Variants in MACROD2 observed in about 807,000 individuals in gnomAD.
MACROD2 encodes ADP-ribose glycohydrolase MACROD2.
MACROD2 carries 36 observed loss-of-function variants against 70.4 expected under a neutral mutation model. The observed-to-expected ratio is 0.51, with a 90% CI of 0.39 to 0.68. The LOEUF is 0.68. MACROD2 is among the 30% of genes least tolerant of loss of function. The pLI, the probability that MACROD2 is intolerant of heterozygous loss-of-function variation, is 0.00. For synonymous variants in MACROD2, 172 were observed against 178.8 expected, an observed-to-expected ratio of 0.96 and a Z score of 0.30; for missense variants, 496 against 538.4, an observed-to-expected ratio of 0.92 and a Z score of 0.78.
intron 5 of MACROD2, among the ~76,000 whole-genome samples, chr20:14,720,114 A>G (rs1452625389): frequency 6.6e-6 from 1 of 152,176 alleles, no homozygotes; most frequent in Non-Finnish European, 1.5e-5. Flanking sequence ...CCTTTTATTG[A>G]TACTTTTTTC....
intron 5 of MACROD2, among the ~76,000 whole-genome samples, chr20:14,766,819 A>T (rs544353596): frequency 9.9e-5 from 15 of 152,250 alleles, no homozygotes; most frequent in African/African-American, 3.6e-4. Context: ...AGAAGGCAAG[A>T]TCTCTTTTTT....
chr20:15,227,820 CCT>C (rs2076920399), intron 5 of MACROD2, among the ~76,000 whole-genome samples: 1 of 44,060 alleles, frequency 2.3e-5, no homozygotes, highest in Non-Finnish European at 4.4e-5. Flanking sequence ...TAGAATTTCA[CCT>C]GTTTTTTTTT....
At chr20:15,859,397 A>G (rs1280027294) in intron 8 of MACROD2, among the ~76,000 whole-genome samples, 1 of 152,156 alleles carries the variant, frequency 6.6e-6, no homozygotes, top group Non-Finnish European at 1.5e-5. Context: ...CCATTTCCCA[A>G]TGAGGGGAGT....
chr20:16,032,625 A>G (rs562046612), intron 15 of MACROD2, among the ~76,000 whole-genome samples: 2 of 151,064 alleles, frequency 1.3e-5, no homozygotes, highest in South Asian at 4.2e-4. Context: ...AGGGACAAAA[A>G]GAAGGAAGAA....
intron 8 of MACROD2, among the ~76,000 whole-genome samples, chr20:15,714,754 G>A (rs1160734301): frequency 1.3e-5 from 2 of 151,840 alleles, no homozygotes; most frequent in Non-Finnish European, 2.9e-5. Flanking sequence ...ACTAATATGT[G>A]CCACATACTT....
At chr20:14,460,976 T>C (rs1430538675) in intron 3 of MACROD2, among the ~76,000 whole-genome samples, 1 of 151,804 alleles carries the variant, frequency 6.6e-6, no homozygotes, top group Non-Finnish European at 1.5e-5. Context: ...TTTTTTATCG[T>C]TCGGAATAGT....
chr20:14,657,081 A>G (rs1986012644), intron 4 of MACROD2, among the ~76,000 whole-genome samples: 1 of 152,116 alleles, frequency 6.6e-6, no homozygotes, highest in African/African-American at 2.4e-5. Context: ...CCATAATGTT[A>G]TTTCATACAT....
chr20:14,577,511 G>T (rs1980675698), intron 4 of MACROD2, among the ~76,000 whole-genome samples: 1 of 152,154 alleles, frequency 6.6e-6, no homozygotes, highest in Non-Finnish European at 1.5e-5. Flanking sequence ...GGATGTGGTG[G>T]CTCACGCCTG....
chr20:15,742,519 G>A (rs2146966973), intron 8 of MACROD2, among the ~76,000 whole-genome samples: 1 of 152,268 alleles, frequency 6.6e-6, no homozygotes, highest in African/African-American at 2.4e-5. Flanking sequence ...CCATAACATA[G>A]GGAATCAGCG....
chr20:15,015,758 G>T (rs2075116502), intron 5 of MACROD2, among the ~76,000 whole-genome samples: 1 of 152,320 alleles, frequency 6.6e-6, no homozygotes, highest in Middle Eastern at 3.4e-3. Context: ...CAGTTCTGCT[G>T]TGTTGATAAA....
intron 3 of MACROD2, among the ~76,000 whole-genome samples, chr20:14,437,968 C>G (rs1014236749): frequency 2.6e-5 from 4 of 152,138 alleles, no homozygotes; most frequent in Admixed American, 6.5e-5. Flanking sequence ...GCTATATCTA[C>G]TCATTTAGCA....
At chr20:15,281,046 G>C (rs1360599044) in intron 6 of MACROD2, among the ~76,000 whole-genome samples, 1 of 152,224 alleles carries the variant, frequency 6.6e-6, no homozygotes, top group Non-Finnish European at 1.5e-5. Context: ...GCAGGACAGA[G>C]TGAGTGCAAG....
chr20:15,908,781 G>A (rs958919474), intron 10 of MACROD2, among the ~76,000 whole-genome samples: 3 of 151,990 alleles, frequency 2.0e-5, no homozygotes, highest in Admixed American at 6.6e-5. Context: ...GCATTGCATG[G>A]GATTTTTGTT....
intron 8 of MACROD2, among the ~76,000 whole-genome samples, chr20:15,769,068 G>C (rs1045043632): frequency 1.3e-5 from 2 of 152,208 alleles, no homozygotes; most frequent in African/African-American, 2.4e-5. Context: ...TAGTACAGGA[G>C]TACACTTTAA....
At chr20:15,016,969 C>T (rs1398710888) in intron 5 of MACROD2, among the ~76,000 whole-genome samples, 1 of 152,094 alleles carries the variant, frequency 6.6e-6, no homozygotes, top group Non-Finnish European at 1.5e-5. Flanking sequence ...CTGGTGGGGT[C>T]ACAGCCAAAC....
intron 5 of MACROD2, among the ~76,000 whole-genome samples, chr20:15,201,822 A>C (rs913980781): frequency 5.3e-5 from 8 of 152,184 alleles, no homozygotes; most frequent in African/African-American, 1.9e-4. Context: ...TTATTCTGAG[A>C]TACAGGAAAA....
chr20:15,803,106 T>A (rs2147075111), intron 8 of MACROD2, among the ~76,000 whole-genome samples: 1 of 152,236 alleles, frequency 6.6e-6, no homozygotes, highest in South Asian at 2.1e-4. Context: ...CACCAATTTT[T>A]CTCAAACTAT....
chr20:15,659,274 C>T (rs1034439826), intron 8 of MACROD2, among the ~76,000 whole-genome samples: 9 of 140,420 alleles, frequency 6.4e-5, no homozygotes, highest in African/African-American at 1.8e-4. Context: ...CTTCTGCAGA[C>T]ACAAATCAAA....
rs71340210 is a variant in MACROD2, at chr20:15,113,763, A to AGTGTGTGTGTGTGT, written c.419-116153_419-116140dup. ...TAGGTATGGGGTTGTGTAGTCTTGA[A>AGTGTGTGTGTGTGT]GTGTGTGTGTGTGTGTGTGTGTGTG... is the stretch of plus-strand genomic sequence containing the variant. On this transcript the variant is annotated intron_variant, in intron 5 of 17. Coordinates refer to ENST00000684519, the MANE Select transcript of MACROD2 (RefSeq NM_001351661.2). Among the ~76,000 whole-genome samples the AGTGTGTGTGTGTGT allele has an allele frequency of 5.8e-3, 831 of 144,226 alleles. 5 individuals are homozygous for AGTGTGTGTGTGTGT. Among genetic ancestry groups the AGTGTGTGTGTGTGT allele is most frequent in the East Asian group, 0.015 (70 of 4,610 alleles). 94.6% of individuals were successfully genotyped at this position (144,226 alleles called of 152,430 possible).
Sources: allele counts gnomAD v4.1 joint callset (sites outside exome capture counted in the v4.1 genomes callset), GRCh38; gene constraint gnomAD v4.1.1; transcripts MANE v1.5; gene names NCBI Gene and HGNC (gene_info 2026-07-23, HGNC 2026-07-21).